POMGNT2: variants seen among roughly 807,000 people sequenced by gnomAD.
POMGNT2 encodes the protein protein O-linked mannose N-acetylglucosaminyltransferase 2 (beta 1,4-), also known as protein O-linked-mannose beta-1,4-N-acetylglucosaminyltransferase 2.
In POMGNT2, 32 loss-of-function variants were observed where a neutral mutation model predicts 37.8. The ratio of observed to expected loss-of-function variants is 0.85; its 90% CI spans 0.64 to 1.14. The LOEUF (loss-of-function observed/expected upper bound fraction) is 1.14. Among genes scored for constraint, POMGNT2 ranks in the 50% most tolerant of loss-of-function variants. POMGNT2 has a pLI of 0.00. For missense variants in POMGNT2, 705 were observed against 780.6 expected, an observed-to-expected ratio of 0.90 and a Z score of 1.15; for synonymous variants, 340 against 336.8, an observed-to-expected ratio of 1.01 and a Z score of -0.10.
chr3:43,099,664 G>C (rs1048491848), intron 1 of POMGNT2, among the ~76,000 whole-genome samples: 3 of 152,134 alleles, frequency 2.0e-5, no homozygotes, highest in African/African-American at 7.2e-5. Flanking sequence ...TTCAACAGTA[G>C]AGCCCTATGG....
intron 1 of POMGNT2, among the ~76,000 whole-genome samples, chr3:43,089,221 T>G (rs1396476406): frequency 2.6e-5 from 4 of 152,218 alleles, no homozygotes; most frequent in African/African-American, 9.6e-5. Flanking sequence ...TGGGCTTCAG[T>G]GAGCCCTGCA....
chr3:43,081,279 G>A lies in POMGNT2; in HGVS notation c.153C>T (p.Ile51=), dbSNP rs149543151. The change falls in exon 2 of 2, where the codon ATC becomes ATT. Residue 51 remains isoleucine (I), a synonymous_variant. Transcript: ENST00000344697. The part of the protein sequence containing the change: ...QATEPAPALR[I]DYPKALQILM... ...GGATCTGCAGTGCCTTCGGGTAGTCGATCCTCAGTGCTGGGGCTGGCTCTG... is the reference window on the plus strand; with the variant it reads ...GGATCTGCAGTGCCTTCGGGTAGTCAATCCTCAGTGCTGGGGCTGGCTCTG... 1.6e-4 allele frequency: 253 copies of A among 1,613,200 alleles called. 2 individuals are homozygous for A. The African/African-American group carries it at 2.5e-3, about 16-fold the overall frequency.
chr3:43,082,617 T>C lies in POMGNT2; in HGVS notation c.-105-1081A>G, dbSNP rs138528781. ...CTGGGACCCAGGATTATTCAGACAG[T>C]TGAAGAAGCTCATCCTTTGTGACAC... On this transcript the variant is annotated intron_variant, in intron 1 of 1. Coordinates refer to ENST00000344697, the MANE Select transcript of POMGNT2 (RefSeq NM_032806.6). Among the ~76,000 whole-genome samples the C allele has an allele frequency of 4.1e-3, 624 of 152,336 alleles. 7 individuals are homozygous for C. The highest frequency in any genetic ancestry group is 0.014 in the African/African-American group (582 of 41,572).
At chr3:43,097,172 A>C (rs1169842564) in intron 1 of POMGNT2, among the ~76,000 whole-genome samples, 1 of 152,226 alleles carries the variant, frequency 6.6e-6, no homozygotes, top group Non-Finnish European at 1.5e-5. Flanking sequence ...TAAAAGCTCC[A>C]GGAATTCTGG....
At chr3:43,094,352 T>C (rs1169994676) in intron 1 of POMGNT2, among the ~76,000 whole-genome samples, 3 of 152,222 alleles carry the variant, frequency 2.0e-5, no homozygotes, top group African/African-American at 2.4e-5. Context: ...ATTCACAATG[T>C]TGGAGAATAA....
chr3:43,080,371 A>T lies in POMGNT2; in HGVS notation c.1061T>A (p.Phe354Tyr). ...MHGAQLVTTL[F>Y]LPRGATVVEL... is the part of the protein sequence containing the mutation. Reference sequence around the variant, plus strand: ...TACCACAGTTGCCCCACGGGGCAGGAAGAGGGTGGTGACCAGCTGGGCCCC... The same window carrying T: ...TACCACAGTTGCCCCACGGGGCAGGTAGAGGGTGGTGACCAGCTGGGCCCC... Residue 354 changes from phenylalanine to tyrosine, a missense_variant, in exon 2 of 2, where the codon TTC becomes TAC. By Grantham distance (22) the Phe-to-Tyr change is conservative. Transcript: ENST00000344697. 2 of 1,614,098 alleles carry T rather than the reference A, an allele frequency of 1.2e-6. No individual in the cohort carries two copies. Among genetic ancestry groups the T allele is most frequent in the Non-Finnish European group, 1.7e-6 (2 of 1,179,998 alleles).
At chr3:43,099,726 C>T (rs2090004050) in intron 1 of POMGNT2, among the ~76,000 whole-genome samples, 1 of 152,068 alleles carries the variant, frequency 6.6e-6, no homozygotes, top group South Asian at 2.1e-4. Context: ...TTATGGCAGC[C>T]AGGTCCCTGC....
chr3:43,081,780 TA>T (rs2089858634), intron 1 of POMGNT2, among the ~76,000 whole-genome samples: 1 of 152,260 alleles, frequency 6.6e-6, no homozygotes, highest in Admixed American at 6.5e-5. Context: ...CTTAGCCATT[TA>T]ACTTGCTTTG....
Position 43,097,037 on chromosome 3 carries a change from C to T in POMGNT2, c.-106+8799G>A, listed in dbSNP as rs565610477. On this transcript the variant is annotated intron_variant, in intron 1 of 1. Transcript: ENST00000344697. Reference sequence around the variant, plus strand: ...GGGCAGGTGGGGTGGGGCCACTTGCCTTGGGGAGCTCACCACGTGAGGGTG... The same window carrying T: ...GGGCAGGTGGGGTGGGGCCACTTGCTTTGGGGAGCTCACCACGTGAGGGTG... Among the ~76,000 whole-genome samples the T allele has an allele frequency of 3.9e-5, 6 of 152,294 alleles. No homozygotes were observed. In the South Asian group the frequency reaches 1.0e-3, roughly 26 times the overall value.
chr3:43,099,860 A>G (rs755966911), intron 1 of POMGNT2, among the ~76,000 whole-genome samples: 6 of 152,190 alleles, frequency 3.9e-5, no homozygotes, highest in Non-Finnish European at 8.8e-5. Context: ...CCTAATAATA[A>G]TGATATTATC....
chr3:43,080,985 C>A lies in POMGNT2; in HGVS notation c.447G>T (p.Val149=), dbSNP rs758269361. 6.2e-7 allele frequency: 1 copy of A among 1,614,234 alleles called. No individual in the cohort carries two copies. Among genetic ancestry groups the A allele is most frequent in the South Asian group, 1.1e-5 (1 of 91,092 alleles). ...ALRFMPKPVF[V]PDVALIANRF... ...GGTTGGCGATGAGGGCCACGTCTGG[C>A]ACGAACACCGGCTTGGGCATGAAGC... Residue 149 remains valine (V), a synonymous_variant, in exon 2 of 2, where the codon GTG becomes GTT. Coordinates refer to ENST00000344697, the MANE Select transcript of POMGNT2 (RefSeq NM_032806.6).
chr3:43,097,810 A>C (rs1474984959), intron 1 of POMGNT2, among the ~76,000 whole-genome samples: 2 of 152,216 alleles, frequency 1.3e-5, no homozygotes, highest in East Asian at 1.9e-4. Context: ...GCAATTATTC[A>C]AATTGAGTGA....
At chr3:43,101,754 C>T (rs547864175) in intron 1 of POMGNT2, among the ~76,000 whole-genome samples, 1 of 152,186 alleles carries the variant, frequency 6.6e-6, no homozygotes, top group Admixed American at 6.5e-5. Context: ...CCATAAGTAT[C>T]AGTAAAGGCT....
chr3:43,096,955 G>A (rs1404686208), intron 1 of POMGNT2, among the ~76,000 whole-genome samples: 2 of 152,092 alleles, frequency 1.3e-5, no homozygotes, highest in Middle Eastern at 3.2e-3. Flanking sequence ...CAGCTGTTCC[G>A]AGCATCAGAG....
chr3:43,097,843 G>C (rs1448408394), intron 1 of POMGNT2, among the ~76,000 whole-genome samples: 1 of 152,212 alleles, frequency 6.6e-6, no homozygotes, highest in Non-Finnish European at 1.5e-5. Context: ...CCAAGGCCTG[G>C]GGCTGCTGGC....
rs116405016 is a variant in POMGNT2 at position 43,095,589 on chromosome 3, G to A, written c.-106+10247C>T. Reference sequence around the variant, plus strand: ...CTTCTCGGCTGTCTTGCCCTAAAGCGTTCCTCTATGTACTAGCCCCAACCC... The same window carrying A: ...CTTCTCGGCTGTCTTGCCCTAAAGCATTCCTCTATGTACTAGCCCCAACCC... On this transcript the variant is annotated intron_variant, in intron 1 of 1. Transcript: ENST00000344697. Among the ~76,000 whole-genome samples the A allele has an allele frequency of 4.6e-3, 694 of 152,288 alleles. 5 individuals are homozygous for A. The highest frequency in any genetic ancestry group is 0.015 in the South Asian group (72 of 4,824).
chr3:43,091,983 T>C (rs1575469923), intron 1 of POMGNT2, among the ~76,000 whole-genome samples: 2 of 152,204 alleles, frequency 1.3e-5, no homozygotes, highest in Admixed American at 6.5e-5. Flanking sequence ...CAAGGGAAGA[T>C]GGAGGAGCTG....
intron 1 of POMGNT2, among the ~76,000 whole-genome samples, chr3:43,102,520 T>C (rs2090026714): frequency 6.6e-6 from 1 of 152,182 alleles, no homozygotes; most frequent in Admixed American, 6.5e-5. Context: ...AAAAAGGATG[T>C]TGGCCTCTGG....
At chr3:43,090,207 A>T (rs746217042) in intron 1 of POMGNT2, among the ~76,000 whole-genome samples, 5 of 152,116 alleles carry the variant, frequency 3.3e-5, no homozygotes, top group Non-Finnish European at 5.9e-5. Flanking sequence ...CTTCTCCCTC[A>T]TTCATAAGAC....
Sources: gnomAD v4.1 joint callset for allele counts (sites outside exome capture counted in the v4.1 genomes callset) on GRCh38, gnomAD v4.1.1 for gene constraint, MANE v1.5 for transcripts, NCBI Gene and HGNC (gene_info 2026-07-23, HGNC 2026-07-21) for gene names.